The following TTC34 variants were observed in gnomAD, a reference collection of about 807,000 sequenced individuals.
The protein encoded by TTC34 is tetratricopeptide repeat protein 34.
In TTC34, 44 loss-of-function variants were observed where a neutral mutation model predicts 40.7. The observed-to-expected ratio is 1.08, with a 90% CI of 0.85 to 1.39. TTC34 has a LOEUF of 1.39. Among genes scored for constraint, TTC34 ranks in the 40% most tolerant of loss-of-function variants. The probability of loss-of-function intolerance (pLI) is 0.00; values close to 1 mark genes in which losing one functional copy is unlikely to be tolerated. For missense variants in TTC34, 884 were observed against 838.0 expected, an observed-to-expected ratio of 1.05 and a Z score of -0.68; for synonymous variants, 422 against 398.6, an observed-to-expected ratio of 1.06 and a Z score of -0.70.
chr1:2,692,586 C>T (rs541664353), intron 6 of TTC34, among the ~76,000 whole-genome samples: 409 of 138,820 alleles, frequency 2.9e-3, no homozygotes, highest in South Asian at 4.7e-3. Context: ...CACCCACACC[C>T]CCATGTGAGC....
At chr1:2,641,565 G>A in exon 9 of TTC34, 1 of 1,532,572 alleles carries the variant, frequency 6.5e-7, no homozygotes, top group Non-Finnish European at 8.7e-7. Flanking sequence ...TGCCTGCACA[G>A]GCTGTTCTGG....
chr1:2,688,452 C>G (rs1640474688), intron 6 of TTC34, among the ~76,000 whole-genome samples: 1 of 140,998 alleles, frequency 7.1e-6, no homozygotes, highest in African/African-American at 2.9e-5. Context: ...ACCCACACCC[C>G]TAGGTGAACA....
chr1:2,793,626 C>T (rs1046962970), intron 2 of TTC34, among the ~76,000 whole-genome samples: 6 of 152,120 alleles, frequency 3.9e-5, no homozygotes, highest in Admixed American at 1.3e-4. Flanking sequence ...ACCTGGGATT[C>T]GCTTTTTTGC....
chr1:2,752,822 T>C (rs1641368795), intron 6 of TTC34, among the ~76,000 whole-genome samples: 2 of 138,380 alleles, frequency 1.4e-5, no homozygotes, highest in Non-Finnish European at 3.1e-5. Flanking sequence ...CATCCCCAGG[T>C]GCGCACCTGA....
intron 7 of TTC34, 128 bp from the exon 8 acceptor site, chr1:2,644,606 GGAA>G: frequency 1.0e-6 from 1 of 975,780 alleles, no homozygotes; most frequent in Non-Finnish European, 1.5e-6. Flanking sequence ...GCTCAGCCCA[GGAA>G]GAAGGAGCTG....
At position 2,768,165 on chromosome 1, in the gene TTC34, C is replaced by G. The variant is rs1043459088; in HGVS notation, c.2226+15444G>C. ...CTGAAAGCCTGGATCAACACTCGAACCTTCAGGTGAGCATCTGACAGCCTG... is the reference window on the plus strand; with the variant it reads ...CTGAAAGCCTGGATCAACACTCGAAGCTTCAGGTGAGCATCTGACAGCCTG... On this transcript the variant is annotated intron_variant, in intron 6 of 8. Transcript: ENST00000401095. 3.7e-5 allele frequency among the ~76,000 whole-genome samples: 5 copies of G among 133,360 alleles called. 1 individual carries two copies. In the Middle Eastern group the frequency reaches 0.02, roughly 521 times the overall value. The allele number at this position is 133,360 out of a possible 152,430, so 87.5% of individuals were successfully genotyped here. A position where few individuals can be genotyped will look rare whatever the true frequency, so the allele number is the denominator to read the frequency against.
chr1:2,687,369 C>G (rs556578368), intron 6 of TTC34, among the ~76,000 whole-genome samples: 484 of 148,560 alleles, frequency 3.3e-3, no homozygotes, highest in Admixed American at 5.9e-3. Flanking sequence ...CCCCCACCCC[C>G]AGGCGAGCAT....
At chr1:2,767,607 C>T (rs1183931854) in intron 6 of TTC34, among the ~76,000 whole-genome samples, 1 of 119,792 alleles carries the variant, frequency 8.3e-6, no homozygotes, top group Non-Finnish European at 1.7e-5. Context: ...TCCACACCCC[C>T]AGGCGAGCAT....
intron 5 of TTC34, among the ~76,000 whole-genome samples, chr1:2,785,010 C>T (rs375915427): frequency 0.026 from 3,880 of 151,944 alleles, 166 homozygotes; most frequent in African/African-American, 0.089. Context: ...CGCTCTGGGC[C>T]GCTCTGGGCT....
intron 6 of TTC34, among the ~76,000 whole-genome samples, chr1:2,676,722 C>CT (rs1472093122): frequency 4.8e-5 from 1 of 20,674 alleles, no homozygotes; most frequent in African/African-American, 1.3e-4. Context: ...GAGCAGCACC[C>CT]ACACCCCCAG....
At chr1:2,652,406 C>A (rs371510022) in intron 6 of TTC34, among the ~76,000 whole-genome samples, 2,974 of 150,314 alleles carry the variant, frequency 0.02, 2 homozygotes, top group Non-Finnish European at 0.024. Flanking sequence ...GCACGCACAC[C>A]CCCAGTGAGC....
rs192339886 is a variant in TTC34 at position 2,801,604 on chromosome 1, G to A, written c.-69C>T. The A allele has an allele frequency of 2.5e-3, 388 of 152,440 alleles. 6 individuals are homozygous for A. In the South Asian group the frequency reaches 0.037, roughly 14 times the overall value. The allele number at this position is 152,440 out of a possible 1,614,324, so 9.4% of individuals were successfully genotyped here. A position where few individuals can be genotyped will look rare whatever the true frequency, so the allele number is the denominator to read the frequency against. ...TCGTCTGCAGCTTGGAGGCTGAGCC[G>A]GCTGTGCCCTGGGGACCCAGATTCC... is the stretch of plus-strand genomic sequence containing the variant. On this transcript the variant is annotated 5_prime_UTR_variant, in exon 1 of 9. Coordinates refer to ENST00000401095, the Ensembl canonical transcript of TTC34.
chr1:2,779,416 C>T (rs1019627924), intron 6 of TTC34, among the ~76,000 whole-genome samples: 16 of 152,064 alleles, frequency 1.1e-4, no homozygotes, highest in Admixed American at 9.2e-4. Flanking sequence ...TCCCACCTCC[C>T]GGGTTCAAGC....
At chr1:2,685,974 C>G (rs878935716) in intron 6 of TTC34, among the ~76,000 whole-genome samples, 2,629 of 64,434 alleles carry the variant, frequency 0.041, 30 homozygotes, top group African/African-American at 0.099. Flanking sequence ...AGGCGAGCAT[C>G]TGACTGCATG....
At chr1:2,637,549 T>C (rs1303765233) in exon 9 of TTC34, 1 of 152,162 alleles carries the variant, frequency 6.6e-6, no homozygotes, top group Non-Finnish European at 1.5e-5. Context: ...AGCTTCACAG[T>C]TAACCAAGCC....
At chr1:2,660,712 C>G (rs879225339) in intron 6 of TTC34, among the ~76,000 whole-genome samples, 1 of 111,026 alleles carries the variant, frequency 9.0e-6, no homozygotes, top group African/African-American at 3.7e-5. Flanking sequence ...TGCCCACACC[C>G]CCAGGTGAGC....
chr1:2,749,443 CCCCCAGGTGAGCATCTG>C (rs1641245377), intron 6 of TTC34, among the ~76,000 whole-genome samples: 8 of 79,512 alleles, frequency 1.0e-4, no homozygotes, highest in South Asian at 4.7e-4. Context: ...AGCACCGACA[CCCCCAGGTGAGCATCTG>C]ACGGCCTGGA....
Position 2,692,265 on chromosome 1 carries a change from C to G in TTC34, c.2227-46702G>C, listed in dbSNP as rs1182741904. On this transcript the variant is annotated intron_variant, in intron 6 of 8. Coordinates refer to ENST00000401095, the Ensembl canonical transcript of TTC34. ...CGACAGCCTGGAGCAGCACCCACAC[C>G]CTCAGGTGAGCATCTGACAGCCTGG... 2.6e-5 allele frequency among the ~76,000 whole-genome samples: 2 copies of G among 77,588 alleles called. 1 individual carries two copies. Among genetic ancestry groups the G allele is most frequent in the Non-Finnish European group, 6.3e-5 (2 of 31,668 alleles). The allele number at this position is 77,588 out of a possible 152,430, so 50.9% of individuals were successfully genotyped here. A position where few individuals can be genotyped will look rare whatever the true frequency, so the allele number is the denominator to read the frequency against.
At chr1:2,688,008 C>A (rs1383592690) in intron 6 of TTC34, among the ~76,000 whole-genome samples, 1 of 114,654 alleles carries the variant, frequency 8.7e-6, no homozygotes, top group South Asian at 2.8e-4. Context: ...GACCCACACC[C>A]CCAGGCGAGC....
Sources: allele counts gnomAD v4.1 joint callset (sites outside exome capture counted in the v4.1 genomes callset), GRCh38; gene constraint gnomAD v4.1.1; transcripts MANE v1.5; gene names NCBI Gene and HGNC (gene_info 2026-07-23, HGNC 2026-07-21).